Variants in METTL13 observed in about 807,000 individuals in gnomAD.
METTL13 encodes the protein eEF1A lysine and N-terminal methyltransferase.
A neutral mutation model predicts 67.4 loss-of-function variants in METTL13; 52 were observed. The observed-to-expected ratio is 0.77, with a 90% CI of 0.62 to 0.97. The LOEUF is 0.97. Among genes scored for constraint, METTL13 ranks in the 50% least tolerant of loss-of-function variants. The pLI is 0.00. For missense variants in METTL13, 825 were observed against 889.6 expected (o/e 0.93, Z 0.92); for synonymous variants, 354 against 353.6 (o/e 1.00, Z -0.01).
Position 171,785,732 on chromosome 1 carries a change from G to C in METTL13, c.914-147G>C. On this transcript the variant is annotated intron_variant, in intron 2 of 7. Coordinates refer to ENST00000361735, the MANE Select transcript of METTL13 (RefSeq NM_015935.5). ...TGGGCTGCTTTGCCCTAGATGTTGT[G>C]AACTAGAGAATTGTTAGCTCCTCAG... 7.6e-6 allele frequency: 6 copies of C among 792,792 alleles called. No individual in the cohort carries two copies. In the South Asian group the frequency reaches 1.0e-4, roughly 14 times the overall value. The allele number at this position is 792,792 out of a possible 1,614,324, so 49.1% of individuals were successfully genotyped here.
chr1:171,793,239 A>G (rs1393689604), intron 6 of METTL13, among the ~76,000 whole-genome samples: 1 of 152,250 alleles, frequency 6.6e-6, no homozygotes, highest in Non-Finnish European at 1.5e-5. Context: ...TGCAAACTGA[A>G]TTGAATTGTA....
chr1:171,782,246 C>A, intron 1 of METTL13, 126 bp downstream of exon 1: 1 of 817,282 alleles, frequency 1.2e-6, no homozygotes, highest in Non-Finnish European at 2.0e-6. Flanking sequence ...TTCAGCATTT[C>A]CTGCATTGTT....
chr1:171,789,888 C>G (rs1657145668), intron 4 of METTL13, among the ~76,000 whole-genome samples: 1 of 152,072 alleles, frequency 6.6e-6, no homozygotes, highest in Non-Finnish European at 1.5e-5. Flanking sequence ...TATCAGTTCT[C>G]TAGTATAAAT....
chr1:171,784,326 A>G lies in METTL13; in HGVS notation c.740A>G (p.Gln247Arg), dbSNP rs751818120. Residue 247 changes from glutamine to arginine, a missense_variant, in exon 2 of 8, where the codon CAG becomes CGG. By Grantham distance (43) the Gln-to-Arg change is conservative (BLOSUM62 1). Coordinates refer to ENST00000361735, the MANE Select transcript of METTL13 (RefSeq NM_015935.5). ...ESAERLAEAVQERQQYAWLCS... is the reference protein window; with the variant it reads ...ESAERLAEAVRERQQYAWLCS... Reference sequence around the variant, plus strand: ...GCCGAGCGGCTGGCCGAGGCGGTGCAGGAGCGACAGCAGTATGCCTGGCTG... The same window carrying G: ...GCCGAGCGGCTGGCCGAGGCGGTGCGGGAGCGACAGCAGTATGCCTGGCTG... 2.5e-6 allele frequency: 4 copies of G among 1,596,924 alleles called. No individual in the cohort carries two copies. Among genetic ancestry groups the G allele is most frequent in the Admixed American group, 1.7e-5 (1 of 58,936 alleles).
At position 171,784,067 on chromosome 1, in the gene METTL13, C is replaced by G; in HGVS notation, c.481C>G (p.Leu161Val). Reference protein sequence around the residue: ...QVGGRYLCISLAQAHILKKAV... With the variant: ...QVGGRYLCISVAQAHILKKAV... ...GGGCGGTCGCTATCTCTGCATCTCC[C>G]TGGCTCAGGCTCACATCCTGAAGAA... Residue 161 changes from leucine to valine, a missense_variant, in exon 2 of 8, where the codon CTG (leucine) becomes GTG (valine). Transcript: ENST00000361735. 1 of 1,614,232 alleles carries G rather than the reference C, an allele frequency of 6.2e-7. No homozygotes were observed.
intron 1 of METTL13, among the ~76,000 whole-genome samples, chr1:171,782,579 A>AC (rs1400433682): frequency 1.0e-4 from 15 of 146,910 alleles, no homozygotes; most frequent in African/African-American, 3.3e-4. Flanking sequence ...AAAAAAAAAC[A>AC]TTTCTTTAAA....
At chr1:171,786,160 C>T in intron 3 of METTL13, 82 bp downstream of exon 3, 1 of 1,421,328 alleles carries the variant, frequency 7.0e-7, no homozygotes, top group Non-Finnish European at 9.5e-7. Context: ...TTGGCAGGAG[C>T]TAGGACTAGA....
intron 4 of METTL13, among the ~76,000 whole-genome samples, chr1:171,788,436 C>T (rs1035634314): frequency 2.6e-5 from 4 of 152,254 alleles, no homozygotes; most frequent in South Asian, 2.1e-4. Context: ...TAGTGCTGAG[C>T]GTTTGGAATG....
At chr1:171,783,628 T>G (rs1656900678) in intron 1 of METTL13, 112 bp from the exon 2 acceptor site, 1 of 1,280,468 alleles carries the variant, frequency 7.8e-7, no homozygotes, top group East Asian at 2.3e-5. Context: ...CAGTAGCGTC[T>G]CCACCTTCTG....
chr1:171,784,121 T>G lies in METTL13; in HGVS notation c.535T>G (p.Trp179Gly), dbSNP rs531115808. 6.2e-7 allele frequency: 1 copy of G among 1,613,874 alleles called. No homozygotes were observed. Among genetic ancestry groups the G allele is most frequent in the South Asian group, 1.1e-5 (1 of 91,066 alleles). Reference sequence around the variant, plus strand: ...AGTGGGCCACTTCTCCCGGGAGGGGTGGATGGTGAGGGTGCACCAAGTGGC... The same window carrying G: ...AGTGGGCCACTTCTCCCGGGAGGGGGGGATGGTGAGGGTGCACCAAGTGGC... ...KAVGHFSREG[W>G]MVRVHQVANS... Residue 179 changes from tryptophan (W) to glycine (G), a missense_variant, in exon 2 of 8, where the codon TGG becomes GGG. Transcript: ENST00000361735.
chr1:171,789,130 C>A (rs1657118541), intron 4 of METTL13, among the ~76,000 whole-genome samples: 1 of 152,118 alleles, frequency 6.6e-6, no homozygotes, highest in African/African-American at 2.4e-5. Context: ...TTGTCATGTT[C>A]CTTGATTTCT....
rs560521194 is a variant in METTL13, at chr1:171,781,798, A to G, written c.-170A>G. 2 of 1,437,596 alleles carry G rather than the reference A, an allele frequency of 1.4e-6. No individual in the cohort carries two copies. Among genetic ancestry groups the G allele is most frequent in the Middle Eastern group, 1.8e-4 (1 of 5,500 alleles). The allele number at this position is 1,437,596 out of a possible 1,614,324, so 89.1% of individuals were successfully genotyped here. ...TGGTCCATGCGTGCGTTTGTCGTGT[A>G]AGGGTCATTCCTGGGGTTTGGAGTG... On this transcript the variant is annotated 5_prime_UTR_variant, in exon 1 of 8. It removes the in-frame stop codon of an upstream open reading frame in the 5' UTR. Transcript: ENST00000361735.
At chr1:171,783,052 C>T (rs1656878476) in intron 1 of METTL13, among the ~76,000 whole-genome samples, 1 of 141,674 alleles carries the variant, frequency 7.1e-6, no homozygotes, top group Non-Finnish European at 1.5e-5. Flanking sequence ...ACTGAGGCCC[C>T]GAGAGCCACT....
At position 171,792,305 on chromosome 1, in the gene METTL13, C is replaced by A. The variant is rs1054811979; in HGVS notation, c.1693+70C>A. The A allele has an allele frequency of 1.9e-6, 3 of 1,555,766 alleles. No individual in the cohort carries two copies. The African/African-American group carries it at 4.1e-5, about 21-fold the overall frequency. On this transcript the variant is annotated intron_variant, in intron 6 of 7. Transcript: ENST00000361735. ...TGCGACATTGTCAGGCCCGCAAGGGCCTCTACAGTTTATCTCTAAGAGAGT... is the reference window on the plus strand; with the variant it reads ...TGCGACATTGTCAGGCCCGCAAGGGACTCTACAGTTTATCTCTAAGAGAGT...
intron 3 of METTL13, among the ~76,000 whole-genome samples, 189 bp from the exon 4 acceptor site, chr1:171,787,546 A>G (rs1013569843): frequency 6.6e-6 from 1 of 152,216 alleles, no homozygotes; most frequent in Non-Finnish European, 1.5e-5. Context: ...TTTTCAAAAG[A>G]TGAATTAAAC....
intron 2 of METTL13, among the ~76,000 whole-genome samples, chr1:171,785,121 G>A (rs887575937): frequency 2.6e-5 from 4 of 152,174 alleles, no homozygotes; most frequent in East Asian, 1.9e-4. Flanking sequence ...AAGTATAAAA[G>A]CTCTTAGAAA....
In METTL13 at chr1:171,784,378, G is replaced by C; in HGVS notation, c.792G>C (p.Arg264Ser). 6.4e-7 allele frequency: 1 copy of C among 1,569,602 alleles called. No individual in the cohort carries two copies. The highest frequency in any genetic ancestry group is 8.6e-7 in the Non-Finnish European group (1 of 1,157,726). ...GCAGCCAGCTGCGCCGCAAGGCCAG[G>C]CTGGGGAGTGTGTCTCTGGACTTGT... is the stretch of plus-strand genomic sequence containing the variant. Reference protein sequence around the residue: ...WLCSQLRRKARLGSVSLDLCD... With the variant: ...WLCSQLRRKASLGSVSLDLCD... Residue 264 changes from arginine (R) to serine (S), a missense_variant, in exon 2 of 8, where the codon AGG becomes AGC. Physicochemically the swap from Arg to Ser is moderately radical, Grantham distance 110. Coordinates refer to ENST00000361735, the MANE Select transcript of METTL13 (RefSeq NM_015935.5).
intron 7 of METTL13, among the ~76,000 whole-genome samples, chr1:171,796,240 A>T (rs745505165): frequency 2.0e-4 from 30 of 152,182 alleles, no homozygotes; most frequent in Non-Finnish European, 4.3e-4. Context: ...ATGGTAAAAT[A>T]ACATGTGAGC....
At position 171,790,511 on chromosome 1, in the gene METTL13, C is replaced by A. The variant is rs1410105847; in HGVS notation, c.1369C>A (p.Pro457Thr). The A allele has an allele frequency of 3.1e-6, 5 of 1,611,884 alleles. No individual in the cohort carries two copies. Among genetic ancestry groups the A allele is most frequent in the Middle Eastern group, 1.6e-4 (1 of 6,072 alleles). ...KQRPADAEDLPAAPGQSIDKS... is the reference protein window; with the variant it reads ...KQRPADAEDLTAAPGQSIDKS... ...GCGGCCTGCTGATGCGGAGGACCTC[C>A]CTGCAGCCCCGGGGCAGTCCATTGA... The change falls in exon 5 of 8, where the codon CCT becomes ACT. Residue 457 changes from proline to threonine, a missense_variant. Physicochemically the swap from Pro to Thr is conservative, Grantham distance 38. Transcript: ENST00000361735.
Sources: gnomAD v4.1 joint callset for allele counts (sites outside exome capture counted in the v4.1 genomes callset) on GRCh38, gnomAD v4.1.1 for gene constraint, MANE v1.5 for transcripts, NCBI Gene and HGNC (gene_info 2026-07-23, HGNC 2026-07-21) for gene names.